The following GRID2 variants were observed in gnomAD, a reference collection of about 807,000 sequenced individuals.
The protein encoded by GRID2 is glutamate receptor ionotropic, delta-2.
GRID2 carries 33 observed loss-of-function variants against 114.8 expected under a neutral mutation model. The observed-to-expected ratio is 0.29, with a 90% CI of 0.22 to 0.38. The LOEUF is 0.38. Among genes scored for constraint, GRID2 ranks in the 10% least tolerant of loss-of-function variants. The probability of loss-of-function intolerance (pLI) is 1.00; values close to 1 mark genes in which losing one functional copy is unlikely to be tolerated. For synonymous variants in GRID2, 505 were observed against 449.9 expected, an observed-to-expected ratio of 1.12 and a Z score of -1.55; for missense variants, 1,184 against 1,257.7, an observed-to-expected ratio of 0.94 and a Z score of 0.89.
At chr4:92,979,766 T>A (rs75606050) in intron 2 of GRID2, among the ~76,000 whole-genome samples, 58 of 152,276 alleles carry the variant, frequency 3.8e-4, no homozygotes, top group Middle Eastern at 3.4e-3. Flanking sequence ...TTGGAATTAG[T>A]GCAAGCAAAA....
chr4:92,894,328 A>AT (rs1241030760), intron 2 of GRID2, among the ~76,000 whole-genome samples: 1 of 152,048 alleles, frequency 6.6e-6, no homozygotes, highest in Non-Finnish European at 1.5e-5. Context: ...TGAATATGAT[A>AT]TTTTTAAGGT....
chr4:92,604,442 A>C (rs1423260262), intron 2 of GRID2, among the ~76,000 whole-genome samples: 2 of 152,292 alleles, frequency 1.3e-5, no homozygotes, highest in Admixed American at 6.5e-5. Context: ...ACAGGAACAG[A>C]GAACCAAACA....
In GRID2 at chr4:92,822,524, G is replaced by A. The variant is rs76956668; in HGVS notation, c.244+232238G>A. 12 of 336,416 alleles carry A rather than the reference G, an allele frequency of 3.6e-5. No individual in the cohort carries two copies. The East Asian group carries it at 6.8e-4, about 19-fold the overall frequency. 20.8% of individuals were successfully genotyped at this position (336,416 alleles called of 1,614,324 possible). A position where few individuals can be genotyped will look rare whatever the true frequency, so the allele number is the denominator to read the frequency against. ...TGGACAGTGTATTTGTATATACTCAGGGTTATAACCATAACTAGACGGTTT... is the reference window on the plus strand; with the variant it reads ...TGGACAGTGTATTTGTATATACTCAAGGTTATAACCATAACTAGACGGTTT... On this transcript the variant is annotated intron_variant, in intron 2 of 15. Coordinates refer to ENST00000282020, the MANE Select transcript of GRID2 (RefSeq NM_001510.4).
intron 14 of GRID2, among the ~76,000 whole-genome samples, chr4:93,633,852 C>T (rs1005341588): frequency 2.0e-5 from 3 of 152,014 alleles, no homozygotes; most frequent in Admixed American, 6.6e-5. Flanking sequence ...TTTAATACCC[C>T]AATTGGAATG....
intron 2 of GRID2, among the ~76,000 whole-genome samples, chr4:92,932,521 T>C (rs543364085): frequency 6.6e-6 from 1 of 151,408 alleles, no homozygotes; most frequent in Admixed American, 6.6e-5. Context: ...GTGTATTTAA[T>C]ATCTGTCAAT....
chr4:93,222,019 A>G (rs1157554780), intron 6 of GRID2, among the ~76,000 whole-genome samples: 2 of 152,164 alleles, frequency 1.3e-5, no homozygotes, highest in Non-Finnish European at 2.9e-5. Context: ...TCTGCCAAAC[A>G]CACCTAGCTT....
chr4:93,111,019 C>T, intron 4 of GRID2, 66 bp downstream of exon 4: 1 of 979,602 alleles, frequency 1.0e-6, no homozygotes, highest in Non-Finnish European at 1.6e-6. Flanking sequence ...ATAGACCCTA[C>T]AGAGGAGATG....
chr4:92,980,523 C>T (rs986358691), intron 2 of GRID2, among the ~76,000 whole-genome samples: 3 of 152,032 alleles, frequency 2.0e-5, no homozygotes, highest in Non-Finnish European at 1.5e-5. Context: ...GTTATTAACA[C>T]ATTTCCTAGA....
chr4:93,738,879 G>T (rs1014250438), intron 14 of GRID2, among the ~76,000 whole-genome samples: 4 of 152,068 alleles, frequency 2.6e-5, no homozygotes, highest in African/African-American at 9.7e-5. Flanking sequence ...TGCTATCCAG[G>T]TCTGAGTAAC....
intron 2 of GRID2, among the ~76,000 whole-genome samples, chr4:93,069,127 A>G (rs181147990): frequency 5.3e-5 from 8 of 152,090 alleles, no homozygotes; most frequent in Non-Finnish European, 7.4e-5. Context: ...AGCCACCACC[A>G]TGAACCAATC....
rs146555353 is a variant in GRID2, at chr4:93,072,062, C to A, written c.245-12933C>A. On this transcript the variant is annotated intron_variant, in intron 2 of 15. Transcript: ENST00000282020. ...ACACATAAAGGTAATTACAATGCAA[C>A]AAGCACTTAAGTATGTTATAGGAAT... 5.3e-3 allele frequency among the ~76,000 whole-genome samples: 811 copies of A among 152,200 alleles called. 9 individuals are homozygous for A. The highest frequency in any genetic ancestry group is 0.017 in the Middle Eastern group (5 of 294).
intron 13 of GRID2, among the ~76,000 whole-genome samples, chr4:93,556,868 A>G (rs1322754463): frequency 6.6e-6 from 1 of 152,228 alleles, no homozygotes; most frequent in Non-Finnish European, 1.5e-5. Context: ...CACAAAGGGA[A>G]GCCCATCAGA....
chr4:92,342,168 T>A (rs71597278), intron 1 of GRID2, among the ~76,000 whole-genome samples: 165 of 152,280 alleles, frequency 1.1e-3, no homozygotes, highest in Non-Finnish European at 2.1e-3. Context: ...AATGTAAATA[T>A]GTATGTGTGT....
At chr4:93,261,009 T>G (rs779813294) in intron 8 of GRID2, among the ~76,000 whole-genome samples, 1 of 151,786 alleles carries the variant, frequency 6.6e-6, no homozygotes, top group Non-Finnish European at 1.5e-5. Flanking sequence ...TAAGGAATAA[T>G]CAGTAGTAGA....
Position 93,700,935 on chromosome 4 carries a change from A to T in GRID2, c.2361-68275A>T, listed in dbSNP as rs957395365. Among the ~76,000 whole-genome samples the T allele has an allele frequency of 2.0e-5, 3 of 152,174 alleles. No homozygotes were observed. The East Asian group carries it at 5.8e-4, about 29-fold the overall frequency. ...TTTTTTTTCTCCTTTTAATGCCAAGATAAATTGATCCTAGATTGCTGCTCC... is the reference window on the plus strand; with the variant it reads ...TTTTTTTTCTCCTTTTAATGCCAAGTTAAATTGATCCTAGATTGCTGCTCC... On this transcript the variant is annotated intron_variant, in intron 14 of 15. Transcript: ENST00000282020.
At chr4:93,565,826 T>C (rs1278646865) in intron 13 of GRID2, among the ~76,000 whole-genome samples, 1 of 152,100 alleles carries the variant, frequency 6.6e-6, no homozygotes, top group African/African-American at 2.4e-5. Flanking sequence ...CTCTGAAGAG[T>C]TATATATAGC....
chr4:93,434,234 C>G (rs534307858), intron 10 of GRID2, among the ~76,000 whole-genome samples: 1 of 152,224 alleles, frequency 6.6e-6, no homozygotes, highest in Non-Finnish European at 1.5e-5. Context: ...ACAGATCCAA[C>G]ACATATTTGG....
At position 93,398,607 on chromosome 4, in the gene GRID2, A is replaced by G. The variant is rs956135097; in HGVS notation, c.1347+2899A>G. Among the ~76,000 whole-genome samples, 8 of 152,088 alleles carry G rather than the reference A, an allele frequency of 5.3e-5. No individual in the cohort carries two copies. The South Asian group carries it at 1.7e-3, about 32-fold the overall frequency. ...GAATAAAACAATTGCTATTTTGTTC[A>G]TGAAATAGTAGCACTTCACACAGTG... On this transcript the variant is annotated intron_variant, in intron 9 of 15. Transcript: ENST00000282020.
chr4:93,420,234 C>G (rs1768130143), intron 9 of GRID2, among the ~76,000 whole-genome samples: 1 of 152,162 alleles, frequency 6.6e-6, no homozygotes, highest in African/African-American at 2.4e-5. Flanking sequence ...CATCATATAT[C>G]ACAATACAAG....
Sources: allele counts gnomAD v4.1 joint callset (sites outside exome capture counted in the v4.1 genomes callset), GRCh38; gene constraint gnomAD v4.1.1; transcripts MANE v1.5; gene names NCBI Gene and HGNC (gene_info 2026-07-23, HGNC 2026-07-21).